KIAA0232: variants seen among roughly 807,000 people sequenced by gnomAD.
The protein encoded by KIAA0232 is uncharacterized protein KIAA0232.
A neutral mutation model predicts 122.0 loss-of-function variants in KIAA0232; 27 were observed. The observed-to-expected ratio is 0.22, with a 90% CI of 0.16 to 0.31. The LOEUF (loss-of-function observed/expected upper bound fraction) is 0.31, where lower values mean the gene tolerates loss of function less well. Among genes scored for constraint, KIAA0232 ranks in the 10% least tolerant of loss-of-function variants. The probability of loss-of-function intolerance (pLI) is 1.00; values close to 1 mark genes in which losing one functional copy is unlikely to be tolerated. For missense variants in KIAA0232, 1,551 were observed against 1,634.2 expected (o/e 0.95, Z 0.88); for synonymous variants, 613 against 587.6 (o/e 1.04, Z -0.63).
intron 3 of KIAA0232, among the ~76,000 whole-genome samples, chr4:6,827,661 A>G (rs1461550592): frequency 1.3e-5 from 2 of 152,190 alleles, no homozygotes; most frequent in Admixed American, 6.5e-5. Context: ...GATTTTATGC[A>G]TCAGTTTGGT....
intron 3 of KIAA0232, among the ~76,000 whole-genome samples, chr4:6,827,086 A>G (rs1718727842): frequency 2.6e-5 from 4 of 152,210 alleles, no homozygotes; most frequent in Admixed American, 2.6e-4. Flanking sequence ...ATCCGTAGGG[A>G]AATAAAAGGC....
intron 2 of KIAA0232, among the ~76,000 whole-genome samples, chr4:6,821,246 T>G (rs2109020023): frequency 6.6e-6 from 1 of 152,208 alleles, no homozygotes; most frequent in East Asian, 1.9e-4. Flanking sequence ...TTTCCATAGG[T>G]TTTTGGGGAA....
chr4:6,849,571 G>A (rs760051752), intron 4 of KIAA0232, among the ~76,000 whole-genome samples: 3 of 152,118 alleles, frequency 2.0e-5, no homozygotes, highest in East Asian at 1.9e-4. Context: ...AGCTGAGATC[G>A]TGCCACTGCA....
Position 6,871,648 on chromosome 4 carries a change from G to T in KIAA0232, c.3876G>T (p.Leu1292Phe). ...QEKQTWWEKA[L>F]YSPLFPASEC... The stretch of plus-strand genomic sequence containing the variant: ...AACAGACCTGGTGGGAAAAAGCCTT[G>T]TACTCTCCTCTTTTTCCTGCATCAG... The change falls in exon 8 of 10, where the codon TTG becomes TTT. Residue 1292 changes from leucine (L) to phenylalanine (F), a missense_variant. Coordinates refer to ENST00000307659, the MANE Select transcript of KIAA0232 (RefSeq NM_014743.3). 1 of 1,611,540 alleles carries T rather than the reference G, an allele frequency of 6.2e-7. No homozygotes were observed. Among genetic ancestry groups the T allele is most frequent in the Non-Finnish European group, 8.5e-7 (1 of 1,177,714 alleles).
At chr4:6,840,190 C>A (rs973494685) in intron 3 of KIAA0232, among the ~76,000 whole-genome samples, 1 of 152,150 alleles carries the variant, frequency 6.6e-6, no homozygotes, top group Non-Finnish European at 1.5e-5. Context: ...GCAGCCAGCT[C>A]CTTGTAGGGT....
At chr4:6,792,996 A>G (rs1716975552) in intron 1 of KIAA0232, among the ~76,000 whole-genome samples, 1 of 151,862 alleles carries the variant, frequency 6.6e-6, no homozygotes, top group South Asian at 2.1e-4. Context: ...ATTCTTAGTT[A>G]TTTTTGAACT....
intron 4 of KIAA0232, among the ~76,000 whole-genome samples, chr4:6,852,111 T>C (rs1399163085): frequency 1.3e-5 from 2 of 152,210 alleles, no homozygotes; most frequent in African/African-American, 4.8e-5. Flanking sequence ...TATTTATCCA[T>C]TGGATACTTC....
chr4:6,797,095 C>G (rs1717164125), intron 1 of KIAA0232, among the ~76,000 whole-genome samples: 1 of 152,092 alleles, frequency 6.6e-6, no homozygotes, highest in Non-Finnish European at 1.5e-5. Context: ...ATACTTTTTT[C>G]CTCTGTATTT....
At chr4:6,807,863 CAGG>C (rs956769714) in intron 2 of KIAA0232, among the ~76,000 whole-genome samples, 55 of 152,274 alleles carry the variant, frequency 3.6e-4, no homozygotes, top group African/African-American at 1.1e-3. Flanking sequence ...CACTTGAGGT[CAGG>C]AGACCAGCCT....
chr4:6,873,630 G>C (rs889336158), intron 8 of KIAA0232, among the ~76,000 whole-genome samples: 2 of 148,006 alleles, frequency 1.4e-5, no homozygotes, highest in Non-Finnish European at 2.9e-5. Context: ...AGTTAGTAAA[G>C]AATCCAGTTT....
chr4:6,807,953 A>G (rs1717713654), intron 2 of KIAA0232, among the ~76,000 whole-genome samples: 1 of 152,318 alleles, frequency 6.6e-6, no homozygotes, highest in East Asian at 1.9e-4. Flanking sequence ...CTGTAGTCCC[A>G]GCTACTCGGG....
At chr4:6,788,225 C>G (rs937141229) in intron 1 of KIAA0232, among the ~76,000 whole-genome samples, 1 of 152,060 alleles carries the variant, frequency 6.6e-6, no homozygotes, top group Non-Finnish European at 1.5e-5. Flanking sequence ...GCTCTGTTGC[C>G]TAGACTGGCT....
Position 6,833,752 on chromosome 4 carries a change from G to A in KIAA0232, c.232-8315G>A, listed in dbSNP as rs1719118785. On this transcript the variant is annotated intron_variant, in intron 3 of 9. Transcript: ENST00000307659. ...TGACAAAAACCTTTCTGGGTAGTAG[G>A]TATGAAATAGCATATACATCACTGG... Among the ~76,000 whole-genome samples the A allele has an allele frequency of 2.6e-5, 4 of 152,288 alleles. No individual in the cohort carries two copies. The South Asian group carries it at 8.3e-4, about 32-fold the overall frequency.
chr4:6,800,830 C>A (rs1400213696), intron 1 of KIAA0232, among the ~76,000 whole-genome samples: 1 of 152,128 alleles, frequency 6.6e-6, no homozygotes, highest in Non-Finnish European at 1.5e-5. Flanking sequence ...CAGGTTGGCT[C>A]CTGGGCTCAT....
chr4:6,806,618 C>G (rs887207232), intron 2 of KIAA0232, among the ~76,000 whole-genome samples: 2 of 151,434 alleles, frequency 1.3e-5, no homozygotes, highest in Admixed American at 1.3e-4. Context: ...TCTATAATCC[C>G]AGCTACTTGG....
chr4:6,873,690 A>C (rs568884630), intron 8 of KIAA0232, among the ~76,000 whole-genome samples: 2 of 152,264 alleles, frequency 1.3e-5, no homozygotes, highest in African/African-American at 4.8e-5. Context: ...CTTAGTGGAT[A>C]CTGGTGTTTG....
intron 2 of KIAA0232, among the ~76,000 whole-genome samples, chr4:6,811,914 G>C (rs1373092471): frequency 1.3e-5 from 2 of 151,876 alleles, no homozygotes; most frequent in African/African-American, 4.8e-5. Context: ...TTTGTTAATA[G>C]GCTTTAGTTG....
chr4:6,807,079 T>TATCTATC (rs1288382152), intron 2 of KIAA0232, among the ~76,000 whole-genome samples: 3 of 145,998 alleles, frequency 2.1e-5, no homozygotes, highest in African/African-American at 8.1e-5. Flanking sequence ...TCTATCTATC[T>TATCTATC]ATTTAAGACA....
intron 2 of KIAA0232, among the ~76,000 whole-genome samples, chr4:6,818,141 G>A (rs1718224042): frequency 6.6e-6 from 1 of 152,016 alleles, no homozygotes; most frequent in African/African-American, 2.4e-5. Context: ...AGTGGCTCAC[G>A]CCTGTAATTG....
Sources: gnomAD v4.1 joint callset for allele counts (sites outside exome capture counted in the v4.1 genomes callset) on GRCh38, gnomAD v4.1.1 for gene constraint, MANE v1.5 for transcripts, NCBI Gene and HGNC (gene_info 2026-07-23, HGNC 2026-07-21) for gene names.